The following HHLA2 variants were observed in gnomAD, a reference collection of about 807,000 sequenced individuals.
HHLA2 encodes the protein HERV-H LTR-associating protein 2.
In HHLA2, 48 loss-of-function variants were observed where a neutral mutation model predicts 45.9. The ratio of observed to expected loss-of-function variants is 1.05; its 90% CI spans 0.83 to 1.33. The LOEUF is 1.33. Among genes scored for constraint, HHLA2 ranks in the 40% most tolerant of loss-of-function variants. HHLA2 has a pLI of 0.00. For missense variants in HHLA2, 462 were observed against 494.3 expected (o/e 0.93, Z 0.62); for synonymous variants, 161 against 173.9 (o/e 0.93, Z 0.59).
At position 108,337,514 on chromosome 3, in the gene HHLA2, T is replaced by C. The variant is rs147406524; in HGVS notation, c.-27+9167T>C. 2.8e-3 allele frequency among the ~76,000 whole-genome samples: 422 copies of C among 152,270 alleles called. 4 individuals carry two copies. The highest frequency in any genetic ancestry group is 9.7e-3 in the African/African-American group (402 of 41,552). ...TCTTTGTCTATGTGGAATCTATGTG[T>C]TTGTACCGTCAAAGTTGAATGAATA... On this transcript the variant is annotated intron_variant, in intron 3 of 10. Transcript: ENST00000619531.
At chr3:108,359,622 C>A (rs1437346888) in intron 7 of HHLA2, among the ~76,000 whole-genome samples, 1 of 152,106 alleles carries the variant, frequency 6.6e-6, no homozygotes, top group Non-Finnish European at 1.5e-5. Flanking sequence ...CAATATGTGA[C>A]CTTGGGCAAA....
chr3:108,337,982 G>T (rs888431849), intron 3 of HHLA2, among the ~76,000 whole-genome samples: 1 of 152,014 alleles, frequency 6.6e-6, no homozygotes, highest in African/African-American at 2.4e-5. Context: ...TTAATTATCA[G>T]TGTATGGCCT....
rs547534107 is a variant in HHLA2 at position 108,373,323 on chromosome 3, C to A, written c.1109-2427C>A. ...CTCAATAAATTAGGTACTGAGGGGA[C>A]GTATCTCAGAATAATAAGAGCTATC... On this transcript the variant is annotated intron_variant, in intron 8 of 10. Coordinates refer to ENST00000619531, the Ensembl canonical transcript of HHLA2. Among the ~76,000 whole-genome samples, 160 of 152,272 alleles carry A rather than the reference C, an allele frequency of 1.1e-3. 1 individual carries two copies. The highest frequency in any genetic ancestry group is 3.6e-3 in the African/African-American group (150 of 41,530).
exon 5 of HHLA2, chr3:108,353,534 G>A (rs1055612507): frequency 9.3e-6 from 15 of 1,612,898 alleles, no homozygotes; most frequent in Middle Eastern, 1.6e-4. Flanking sequence ...GAGGGGATCC[G>A]AAGTCGTAAT....
chr3:108,312,603 C>A (rs1053353538), intron 2 of HHLA2, among the ~76,000 whole-genome samples: 1 of 152,244 alleles, frequency 6.6e-6, no homozygotes, highest in African/African-American at 2.4e-5. Context: ...GATTTGAGGA[C>A]AAGCTGGCCC....
intron 3 of HHLA2, among the ~76,000 whole-genome samples, chr3:108,330,330 T>C (rs62266209): frequency 0.04 from 6,130 of 152,244 alleles, 183 homozygotes; most frequent in Non-Finnish European, 0.054. Flanking sequence ...AACTCTAAGG[T>C]GGCCCCCAAG....
intron 3 of HHLA2, among the ~76,000 whole-genome samples, chr3:108,344,775 T>C (rs916938912): frequency 6.6e-6 from 1 of 152,198 alleles, no homozygotes; most frequent in East Asian, 1.9e-4. Flanking sequence ...CCTGGCAATT[T>C]CTTTTGTCTG....
chr3:108,360,562 T>C (rs2081969465), intron 7 of HHLA2, among the ~76,000 whole-genome samples: 1 of 152,226 alleles, frequency 6.6e-6, no homozygotes. Flanking sequence ...AGCATTGTTA[T>C]ACCATGACAG....
In HHLA2 at chr3:108,322,769, C is replaced by T. The variant is rs532062690; in HGVS notation, c.-104-5501C>T. ...CCTCTTGGTGTGTACATGGCGTCAT[C>T]AGTCAGGACGTCTCACCTATTAATT... On this transcript the variant is annotated intron_variant, in intron 2 of 10. Coordinates refer to ENST00000619531, the Ensembl canonical transcript of HHLA2. 1.6e-3 allele frequency among the ~76,000 whole-genome samples: 246 copies of T among 152,328 alleles called. 1 individual carries two copies. The highest frequency in any genetic ancestry group is 2.9e-3 in the Non-Finnish European group (195 of 68,028).
intron 3 of HHLA2, chr3:108,328,376 C>T (rs1306448127): frequency 2.1e-5 from 31 of 1,450,164 alleles, no homozygotes; most frequent in Non-Finnish European, 2.7e-5. Flanking sequence ...AATGAGGTTC[C>T]AGTATTATCT....
intron 1 of HHLA2, among the ~76,000 whole-genome samples, chr3:108,310,070 T>C (rs1446677285): frequency 6.6e-6 from 1 of 152,178 alleles, no homozygotes; most frequent in Non-Finnish European, 1.5e-5. Context: ...CTCTTTAAAG[T>C]TGATGCCTGT....
intron 8 of HHLA2, among the ~76,000 whole-genome samples, chr3:108,366,232 A>G (rs182075480): frequency 4.6e-5 from 7 of 152,310 alleles, no homozygotes; most frequent in Non-Finnish European, 7.3e-5. Flanking sequence ...ATCTATTGAG[A>G]TAATCATGTG....
chr3:108,297,155 TA>T (rs2080774175), intron 1 of HHLA2, among the ~76,000 whole-genome samples: 1 of 152,238 alleles, frequency 6.6e-6, no homozygotes, highest in East Asian at 1.9e-4. Flanking sequence ...TGTCATTTTT[TA>T]ATAACTAAAA....
Position 108,375,073 on chromosome 3 carries a change from A to T in HHLA2, c.1109-677A>T, listed in dbSNP as rs879860518. ...CTATTCACAATAGCAAAGACTTGGA[A>T]CCAACCCAAATGTCCAACAATGATA... On this transcript the variant is annotated intron_variant, in intron 8 of 10. Coordinates refer to ENST00000619531, the Ensembl canonical transcript of HHLA2. Among the ~76,000 whole-genome samples, 653 of 150,450 alleles carry T rather than the reference A, an allele frequency of 4.3e-3. 15 individuals carry two copies. Among genetic ancestry groups the T allele is most frequent in the Admixed American group, 0.04 (607 of 15,042 alleles).
At chr3:108,375,782 G>A in exon 9 of HHLA2, 2 of 1,611,014 alleles carry the variant, frequency 1.2e-6, no homozygotes, top group East Asian at 4.5e-5. Context: ...CAGACACCCT[G>A]CTGATGGAGC....
chr3:108,311,122 T>C (rs2081011542), intron 2 of HHLA2, among the ~76,000 whole-genome samples: 2 of 152,216 alleles, frequency 1.3e-5, no homozygotes, highest in South Asian at 4.1e-4. Flanking sequence ...TGGTCTTTTA[T>C]CAGCGGTGTG....
intron 5 of HHLA2, among the ~76,000 whole-genome samples, chr3:108,354,908 T>A (rs1291333067): frequency 2.6e-5 from 4 of 152,208 alleles, no homozygotes; most frequent in Non-Finnish European, 4.4e-5. Context: ...CCTGCTCTTT[T>A]TTTATTTCTT....
chr3:108,329,557 C>G (rs1257005725), intron 3 of HHLA2, among the ~76,000 whole-genome samples: 1 of 152,098 alleles, frequency 6.6e-6, no homozygotes, highest in African/African-American at 2.4e-5. Context: ...TTCAAAGATT[C>G]TGAACTTAAA....
intron 1 of HHLA2, among the ~76,000 whole-genome samples, chr3:108,304,610 G>C (rs2080898984): frequency 1.3e-5 from 2 of 152,132 alleles, no homozygotes; most frequent in South Asian, 4.1e-4. Context: ...GTGAAATTTT[G>C]AAGAACAACC....
Sources: gnomAD v4.1 joint callset for allele counts (sites outside exome capture counted in the v4.1 genomes callset) on GRCh38, gnomAD v4.1.1 for gene constraint, MANE v1.5 for transcripts, NCBI Gene and HGNC (gene_info 2026-07-23, HGNC 2026-07-21) for gene names.